DCDC2: variants seen among roughly 807,000 people sequenced by gnomAD.
DCDC2 encodes the protein doublecortin domain containing 2.
In DCDC2, 40 loss-of-function variants were observed where a neutral mutation model predicts 50.2. The observed-to-expected ratio is 0.80, with a 90% CI of 0.62 to 1.04. DCDC2 has a LOEUF of 1.04. DCDC2 is among the 50% of genes least tolerant of loss of function. The probability of loss-of-function intolerance (pLI) is 0.00; values close to 1 mark genes in which losing one functional copy is unlikely to be tolerated. For synonymous variants in DCDC2, 234 were observed against 210.6 expected, an observed-to-expected ratio of 1.11 and a Z score of -0.96; for missense variants, 570 against 581.9, an observed-to-expected ratio of 0.98 and a Z score of 0.21.
chr6:24,285,557 T>C (rs759496834), intron 6 of DCDC2, among the ~76,000 whole-genome samples: 2 of 152,216 alleles, frequency 1.3e-5, no homozygotes, highest in Non-Finnish European at 2.9e-5. Context: ...TGGGGCTTAC[T>C]ACTGTGCCAT....
intron 8 of DCDC2, among the ~76,000 whole-genome samples, chr6:24,203,490 A>G (rs1761633351): frequency 6.6e-6 from 1 of 152,208 alleles, no homozygotes; most frequent in South Asian, 2.1e-4. Context: ...TTAACTTAAG[A>G]TGGATTAAAG....
At chr6:24,256,193 T>C (rs1762893744) in intron 7 of DCDC2, among the ~76,000 whole-genome samples, 1 of 151,538 alleles carries the variant, frequency 6.6e-6, no homozygotes, top group Non-Finnish European at 1.5e-5. Flanking sequence ...TTTATGAAGA[T>C]AGAAGTCAGA....
In DCDC2 at chr6:24,346,152, T is replaced by TAA. The variant is rs58725760; in HGVS notation, c.348+7415_348+7416dup. ...GAGATTGCTCAAAAGAGACTCTGTC[T>TAA]AAAAAAAAAAAAAAAAAATGTATTT... is the stretch of plus-strand genomic sequence containing the variant. On this transcript the variant is annotated intron_variant, in intron 2 of 9. Transcript: ENST00000378454. 6.1e-3 allele frequency among the ~76,000 whole-genome samples: 806 copies of TAA among 133,094 alleles called. 1 individual carries two copies. Among genetic ancestry groups the TAA allele is most frequent in the African/African-American group, 0.021 (733 of 34,524 alleles). The allele number at this position is 133,094 out of a possible 152,430, so 87.3% of individuals were successfully genotyped here.
intron 8 of DCDC2, among the ~76,000 whole-genome samples, chr6:24,180,431 C>T (rs562318502): frequency 6.6e-6 from 1 of 151,970 alleles, no homozygotes; most frequent in East Asian, 1.9e-4. Flanking sequence ...ACTACAGGCG[C>T]CCGCCACCAC....
At chr6:24,323,931 A>G (rs956705983) in intron 2 of DCDC2, among the ~76,000 whole-genome samples, 1 of 152,246 alleles carries the variant, frequency 6.6e-6, no homozygotes, top group Non-Finnish European at 1.5e-5. Flanking sequence ...TCATACCACT[A>G]AAACAGAGGA....
intron 2 of DCDC2, among the ~76,000 whole-genome samples, chr6:24,323,436 G>C (rs1759805297): frequency 6.6e-6 from 1 of 152,144 alleles, no homozygotes; most frequent in South Asian, 2.1e-4. Flanking sequence ...CTGTAGATTA[G>C]GTAATTGTAT....
At chr6:24,231,325 T>G (rs1311194574) in intron 7 of DCDC2, among the ~76,000 whole-genome samples, 1 of 152,166 alleles carries the variant, frequency 6.6e-6, no homozygotes, top group Non-Finnish European at 1.5e-5. Context: ...ATCTAGGCCC[T>G]GGGTACCATT....
Position 24,174,713 on chromosome 6 carries a change from C to T in DCDC2, c.*17G>A. ...TCATTTTTCTTGCGATCCATATACT[C>T]TCTTTTTAAAAATGTTCTAAGCCAC... is the stretch of plus-strand genomic sequence containing the variant. On this transcript the variant is annotated 3_prime_UTR_variant, in exon 10 of 10. Coordinates refer to ENST00000378454, the MANE Select transcript of DCDC2 (RefSeq NM_016356.5). The T allele has an allele frequency of 1.3e-6, 2 of 1,566,412 alleles. No individual in the cohort carries two copies. The highest frequency in any genetic ancestry group is 1.1e-5 in the South Asian group (1 of 89,822).
At chr6:24,179,201 T>G (rs1161465532) in intron 8 of DCDC2, among the ~76,000 whole-genome samples, 1 of 152,114 alleles carries the variant, frequency 6.6e-6, no homozygotes, top group Non-Finnish European at 1.5e-5. Context: ...ACACAATAAC[T>G]GATTTTCCTG....
At chr6:24,274,605 C>CAAAAAAAAAAAAAAA (rs61569208) in intron 7 of DCDC2, among the ~76,000 whole-genome samples, 31 of 82,390 alleles carry the variant, frequency 3.8e-4, no homozygotes, top group African/African-American at 5.9e-4. Context: ...GAAACAGAGT[C>CAAAAAAAAAAAAAAA]AAAAAAAAAA....
chr6:24,221,321 G>A (rs761819962), intron 7 of DCDC2, among the ~76,000 whole-genome samples: 6 of 152,048 alleles, frequency 3.9e-5, no homozygotes, highest in African/African-American at 7.2e-5. Context: ...AAAGGGACTC[G>A]TGATGTCTGC....
intron 7 of DCDC2, among the ~76,000 whole-genome samples, chr6:24,215,259 T>G (rs953583566): frequency 6.6e-6 from 1 of 152,112 alleles, no homozygotes; most frequent in Non-Finnish European, 1.5e-5. Context: ...GCATTGCAGG[T>G]TGTATTCCAA....
chr6:24,312,953 T>C (rs914386039), intron 2 of DCDC2, among the ~76,000 whole-genome samples: 1 of 152,184 alleles, frequency 6.6e-6, no homozygotes, highest in Non-Finnish European at 1.5e-5. Flanking sequence ...AACTCTTCAA[T>C]GTAAGTATAT....
intron 7 of DCDC2, among the ~76,000 whole-genome samples, chr6:24,228,873 C>T (rs941592201): frequency 2.0e-5 from 3 of 152,228 alleles, no homozygotes; most frequent in African/African-American, 7.2e-5. Context: ...AGGTCATAAT[C>T]TCTTGAGGGG....
intron 7 of DCDC2, among the ~76,000 whole-genome samples, chr6:24,222,672 T>C (rs1017572930): frequency 2.0e-5 from 3 of 152,332 alleles, no homozygotes; most frequent in African/African-American, 7.2e-5. Flanking sequence ...AAAAACCATC[T>C]GTTTTCCTTA....
chr6:24,376,422 C>T, the DCDC2 span, among the ~76,000 whole-genome samples: 1 of 152,120 alleles, frequency 6.6e-6, no homozygotes, highest in Admixed American at 6.6e-5. Context: ...ACAGCGTCAT[C>T]CCATAGCGGT....
intron 2 of DCDC2, among the ~76,000 whole-genome samples, chr6:24,327,275 T>A (rs1759887001): frequency 6.7e-6 from 1 of 149,308 alleles, no homozygotes; most frequent in African/African-American, 2.4e-5. Context: ...CTCTCTCCCT[T>A]ACATAAGCAT....
At chr6:24,242,599 AGCTT>A (rs767948132) in intron 7 of DCDC2, among the ~76,000 whole-genome samples, 1 of 152,188 alleles carries the variant, frequency 6.6e-6, no homozygotes, top group Non-Finnish European at 1.5e-5. Context: ...CAGGAGACTG[AGCTT>A]GCCGAGGACA....
intron 6 of DCDC2, among the ~76,000 whole-genome samples, chr6:24,286,228 G>A (rs1763606357): frequency 6.6e-6 from 1 of 152,108 alleles, no homozygotes; most frequent in Non-Finnish European, 1.5e-5. Context: ...TGTTCAAGCT[G>A]TGCTGGGTGA....
Sources: allele counts gnomAD v4.1 joint callset (sites outside exome capture counted in the v4.1 genomes callset), GRCh38; gene constraint gnomAD v4.1.1; transcripts MANE v1.5; gene names NCBI Gene and HGNC (gene_info 2026-07-23, HGNC 2026-07-21).